The following MTCL2 variants were observed in gnomAD, a reference collection of about 807,000 sequenced individuals.
MTCL2 encodes the protein microtubule crosslinking factor 2.
the MTCL2 span, among the ~76,000 whole-genome samples, chr20:36,791,627 CAG>C: frequency 6.6e-6 from 1 of 152,230 alleles, no homozygotes. Context: ...CTGCACCAAT[CAG>C]AGTTTCCTTC....
the MTCL2 span, among the ~76,000 whole-genome samples, chr20:36,808,024 C>G: frequency 3.3e-5 from 5 of 149,706 alleles, no homozygotes; most frequent in African/African-American, 1.2e-4. Context: ...TACAGGCACC[C>G]GCCACCACAC....
the MTCL2 span, chr20:36,812,952 A>G: frequency 7.5e-7 from 1 of 1,334,000 alleles, no homozygotes; most frequent in African/African-American, 1.5e-5. Context: ...AGAGGCTTGA[A>G]CCACCCACCT....
At chr20:36,793,574 CCT>C in the MTCL2 span, 2 of 1,551,666 alleles carry the variant, frequency 1.3e-6, no homozygotes, top group Non-Finnish European at 1.7e-6. This position sits in a 1 kb window ranked among gnomAD's most constrained non-coding sequence, Gnocchi z 6.8. Context: ...CTCCGTGCTC[CCT>C]GAGTGCTCCA....
At chr20:36,793,390 C>G in the MTCL2 span, 4 of 1,551,640 alleles carry the variant, frequency 2.6e-6, no homozygotes, top group South Asian at 3.6e-5. This position sits in a 1 kb window ranked among gnomAD's most constrained non-coding sequence, Gnocchi z 6.8. Flanking sequence ...CACCCTCTGG[C>G]TGATGGTAGC....
the MTCL2 span, chr20:36,777,507 T>C: frequency 2.7e-6 from 1 of 369,808 alleles, no homozygotes. Flanking sequence ...AAGTTTACAC[T>C]GTACAGTTAT....
At chr20:36,826,952 T>C in the MTCL2 span, among the ~76,000 whole-genome samples, 1 of 152,186 alleles carries the variant, frequency 6.6e-6, no homozygotes, top group African/African-American at 2.4e-5. Context: ...TTCTTCATAG[T>C]ATTCTATGGC....
the MTCL2 span, among the ~76,000 whole-genome samples, chr20:36,814,684 C>T: frequency 1.3e-5 from 2 of 152,112 alleles, no homozygotes; most frequent in Non-Finnish European, 2.9e-5. Flanking sequence ...GTCAGGAGTT[C>T]GAGACCAGCC....
At chr20:36,818,069 G>A in the MTCL2 span, among the ~76,000 whole-genome samples, 2 of 152,334 alleles carry the variant, frequency 1.3e-5, no homozygotes, top group African/African-American at 4.8e-5. Context: ...TCTACAGGGA[G>A]GGCCATCCTA....
At chr20:36,857,398 A>C in the MTCL2 span, among the ~76,000 whole-genome samples, 3 of 152,056 alleles carry the variant, frequency 2.0e-5, no homozygotes, top group Non-Finnish European at 4.4e-5. Flanking sequence ...TCTCTGAGTG[A>C]GTATCCTCTC....
At chr20:36,780,341 A>G in the MTCL2 span, 1 of 152,084 alleles carries the variant, frequency 6.6e-6, no homozygotes, top group African/African-American at 2.4e-5. Flanking sequence ...GTGGGTACAG[A>G]GTTTCAGTTT....
At chr20:36,816,037 C>T in the MTCL2 span, 4 of 1,613,672 alleles carry the variant, frequency 2.5e-6, no homozygotes, top group East Asian at 4.5e-5. Context: ...CGGTTCTCCA[C>T]CTCCAGCTCC....
At chr20:36,804,673 T>C in the MTCL2 span, 1 of 1,586,882 alleles carries the variant, frequency 6.3e-7, no homozygotes. Flanking sequence ...TACTCCCAGA[T>C]CTGACAGCTA....
At chr20:36,836,320 A>C in the MTCL2 span, among the ~76,000 whole-genome samples, 3 of 148,052 alleles carry the variant, frequency 2.0e-5, no homozygotes, top group East Asian at 3.9e-4. Context: ...GACTATAGGC[A>C]CTTGCCACCA....
At chr20:36,851,003 G>A in the MTCL2 span, among the ~76,000 whole-genome samples, 3 of 152,080 alleles carry the variant, frequency 2.0e-5, no homozygotes, top group South Asian at 4.1e-4. Context: ...CTCTGGAAAC[G>A]GCAAGGCTCT....
the MTCL2 span, chr20:36,815,839 C>T: frequency 6.3e-7 from 1 of 1,598,564 alleles, no homozygotes; most frequent in Non-Finnish European, 8.5e-7. The surrounding 1 kb of genome is among the most constrained non-coding windows in gnomAD (Gnocchi z 5.3). Flanking sequence ...TTGTTCTGGT[C>T]CTCGAGCTCG....
At chr20:36,860,954 A>T in the MTCL2 span, among the ~76,000 whole-genome samples, 1 of 152,154 alleles carries the variant, frequency 6.6e-6, no homozygotes, top group Non-Finnish European at 1.5e-5. Flanking sequence ...TTTCCCCTTT[A>T]AACAGTCATG....
the MTCL2 span, chr20:36,863,323 G>A: frequency 5.1e-6 from 6 of 1,179,306 alleles, no homozygotes; most frequent in Non-Finnish European, 6.3e-6. The surrounding 1 kb of genome is among the most constrained non-coding windows in gnomAD (Gnocchi z 6.2). Flanking sequence ...CGGACCGGGG[G>A]CTCGGCCGCC....
chr20:36,811,992 G>A, the MTCL2 span, among the ~76,000 whole-genome samples: 1 of 152,200 alleles, frequency 6.6e-6, no homozygotes, highest in Non-Finnish European at 1.5e-5. Flanking sequence ...GAACTACCCA[G>A]AATTCCCTGA....
chr20:36,780,553 C>T, the MTCL2 span: 1 of 152,104 alleles, frequency 6.6e-6, no homozygotes, highest in Non-Finnish European at 1.5e-5. Context: ...GAGTATTGTC[C>T]CCCACCCCAG....
Sources: gnomAD v4.1 joint callset for allele counts (sites outside exome capture counted in the v4.1 genomes callset) on GRCh38, gnomAD v4.1.1 for gene constraint, Gnocchi (gnomAD v3.1) non-coding constraint, MANE v1.5 for transcripts, NCBI Gene and HGNC (gene_info 2026-07-23, HGNC 2026-07-21) for gene names.